Variants in FLCN observed in about 807,000 individuals in gnomAD.
The protein encoded by FLCN is BHD skin lesion fibrofolliculoma protein.
Under a neutral mutation model 62.5 loss-of-function variants are expected in FLCN, and 22 were observed. The observed-to-expected ratio is 0.35, with a 90% CI of 0.25 to 0.50. The LOEUF is 0.50. Ranked by LOEUF, FLCN falls within the 20% of genes least tolerant of loss-of-function variation. The pLI is 0.97. For missense variants in FLCN, 657 were observed against 778.0 expected, an observed-to-expected ratio of 0.84 and a Z score of 1.85; for synonymous variants, 319 against 310.0, an observed-to-expected ratio of 1.03 and a Z score of -0.30.
chr17:17,218,616 G>A (rs765235177), intron 9 of FLCN, among the ~76,000 whole-genome samples: 7 of 151,904 alleles, frequency 4.6e-5, no homozygotes, highest in Admixed American at 1.3e-4. Flanking sequence ...TCCTGACCTC[G>A]TGATCCGCTC....
rs747647766 is a variant in FLCN at position 17,216,147 on chromosome 17, T to G, written c.1300+233A>C. 6.6e-6 allele frequency among the ~76,000 whole-genome samples: 1 copy of G among 152,124 alleles called. No homozygotes were observed. Among genetic ancestry groups the G allele is most frequent in the Non-Finnish European group, 1.5e-5 (1 of 68,012 alleles). Reference sequence around the variant, plus strand: ...GACACATCCTCCCACCCCACGATGGTGACCTGCAGCCCACTGACGACAGTC... The same window carrying G: ...GACACATCCTCCCACCCCACGATGGGGACCTGCAGCCCACTGACGACAGTC... On this transcript the variant is annotated intron_variant, in intron 11 of 13. Transcript: ENST00000285071. The surrounding 1 kb of genome is among the most constrained non-coding windows in gnomAD (Gnocchi z 4.0).
intron 13 of FLCN, among the ~76,000 whole-genome samples, chr17:17,214,332 A>G (rs1404432957): frequency 6.6e-6 from 1 of 151,526 alleles, no homozygotes; most frequent in Non-Finnish European, 1.5e-5. Flanking sequence ...GCAGTGGCTC[A>G]CGCCTGTAAT....
At chr17:17,235,094 AGC>A (rs1252448509) in intron 1 of FLCN, among the ~76,000 whole-genome samples, 5 of 133,404 alleles carry the variant, frequency 3.7e-5, no homozygotes, top group African/African-American at 8.5e-5. Context: ...TGGGCCACAG[AGC>A]AAGACTCCAT....
intron 3 of FLCN, chr17:17,229,063 G>A (rs2145063014): frequency 6.5e-6 from 1 of 153,268 alleles, no homozygotes; most frequent in African/African-American, 2.4e-5. Context: ...GGCCAGGCAG[G>A]GTGAAGACGC....
chr17:17,226,461 G>A (rs2047253094), intron 4 of FLCN, 139 bp from the exon 5 acceptor site: 1 of 1,038,338 alleles, frequency 9.6e-7, no homozygotes, highest in South Asian at 1.4e-5. Flanking sequence ...ATACTTATCT[G>A]AAGATTTAAA....
chr17:17,226,110 C>G (rs757748008), intron 5 of FLCN, 66 bp downstream of exon 5: 1 of 1,607,644 alleles, frequency 6.2e-7, no homozygotes, highest in Non-Finnish European at 8.5e-7. Context: ...TGGCTCCGAG[C>G]CCACCCAGAG....
At chr17:17,219,340 C>A in intron 8 of FLCN, 131 bp from the exon 9 acceptor site, 1 of 885,062 alleles carries the variant, frequency 1.1e-6, no homozygotes. Context: ...GCTCCCTGCT[C>A]CCTGTTGCTC....
chr17:17,229,230 C>T (rs993405833), intron 3 of FLCN: 1 of 152,484 alleles, frequency 6.6e-6, no homozygotes, highest in Non-Finnish European at 1.5e-5. Context: ...CCCTTGTAGA[C>T]TCAGAGGTGG....
chr17:17,229,019 C>G (rs1736214), intron 3 of FLCN: 79,472 of 152,636 alleles, frequency 0.52, 21,662 homozygotes, highest in East Asian at 0.62. Context: ...AGGCACCCTG[C>G]TGACTGATCT....
rs1310095740 is a variant in FLCN, at chr17:17,216,520, G to A, written c.1177-17C>T. ...AAGCATGGTCTGAGGAGGACAGCAG[G>A]ACTCAGACCAAGGACACGAGGAAGC... is the stretch of plus-strand genomic sequence containing the variant. On this transcript the variant is annotated splice_polypyrimidine_tract_variant and intron_variant, in intron 10 of 13. Coordinates refer to ENST00000285071, the MANE Select transcript of FLCN (RefSeq NM_144997.7). The surrounding 1 kb of genome is among the most constrained non-coding windows in gnomAD (Gnocchi z 4.0). 6.2e-7 allele frequency: 1 copy of A among 1,613,478 alleles called. No homozygotes were observed. The highest frequency in any genetic ancestry group is 1.1e-5 in the South Asian group (1 of 91,020).
In FLCN at chr17:17,227,931, G is replaced by A. The variant is rs759772780; in HGVS notation, c.207C>T (p.Val69=). The A allele has an allele frequency of 2.0e-5, 33 of 1,613,954 alleles. 1 individual carries two copies. In the Middle Eastern group the frequency reaches 4.9e-4, roughly 24 times the overall value. Residue 69 remains valine (V), a synonymous_variant, in exon 4 of 14, where the codon GTC becomes GTT. Coordinates refer to ENST00000285071, the MANE Select transcript of FLCN (RefSeq NM_144997.7). The stretch of plus-strand genomic sequence containing the variant: ...TTTTGGGCCCCGGGCTGCTGGACTC[G>A]ACGCTGGCCCCCTCTGCGGGGCTGT... The part of the protein sequence containing the change: ...RAHSPAEGAS[V]ESSSPGPKKS...
chr17:17,223,715 A>C (rs1312171866), intron 6 of FLCN, among the ~76,000 whole-genome samples: 1 of 152,358 alleles, frequency 6.6e-6, no homozygotes, highest in Non-Finnish European at 1.5e-5. Flanking sequence ...GACAACGGGC[A>C]CAAGAGAGAC....
At chr17:17,229,765 A>G (rs2047366705) in intron 3 of FLCN, among the ~76,000 whole-genome samples, 2 of 152,192 alleles carry the variant, frequency 1.3e-5, no homozygotes, top group Non-Finnish European at 2.9e-5. Flanking sequence ...GTGGAGAAAA[A>G]GCTCACAGGA....
chr17:17,229,285 G>C (rs537007843), intron 3 of FLCN: 7 of 152,624 alleles, frequency 4.6e-5, no homozygotes, highest in African/African-American at 1.4e-4. Context: ...CAGGCAGTGA[G>C]GCCAGAGGGG....
intron 1 of FLCN, among the ~76,000 whole-genome samples, chr17:17,234,974 T>C (rs8067200): frequency 6.6e-6 from 1 of 152,204 alleles, no homozygotes; most frequent in African/African-American, 2.4e-5. Context: ...TAGCTGGGCA[T>C]GGTGGCGGGG....
chr17:17,229,950 A>G (rs2047371566), intron 3 of FLCN, among the ~76,000 whole-genome samples: 1 of 152,212 alleles, frequency 6.6e-6, no homozygotes, highest in Admixed American at 6.5e-5. Flanking sequence ...GACACCAAGC[A>G]CTCATTGCAG....
At chr17:17,224,652 C>G in intron 5 of FLCN, 1 of 201,416 alleles carries the variant, frequency 5.0e-6, no homozygotes, top group Non-Finnish European at 1.0e-5. Context: ...TCTCCTGCCT[C>G]AGCCTCCTGA....
intron 12 of FLCN, 31 bp downstream of exon 12, chr17:17,215,154 C>G (rs747412911): frequency 6.2e-7 from 1 of 1,614,060 alleles, no homozygotes; most frequent in East Asian, 2.2e-5. Flanking sequence ...CATCTTCTCA[C>G]AAAAAGGACA....
chr17:17,230,301 C>T (rs1015464964), intron 3 of FLCN, among the ~76,000 whole-genome samples: 2 of 151,978 alleles, frequency 1.3e-5, no homozygotes, highest in Admixed American at 6.6e-5. Context: ...GAGGCTGAGG[C>T]GGGTGGATCA....
Sources: gnomAD v4.1 joint callset for allele counts (sites outside exome capture counted in the v4.1 genomes callset) on GRCh38, gnomAD v4.1.1 for gene constraint, Gnocchi (gnomAD v3.1) non-coding constraint, MANE v1.5 for transcripts, NCBI Gene and HGNC (gene_info 2026-07-23, HGNC 2026-07-21) for gene names.